HNRNPAB: variants seen among roughly 807,000 people sequenced by gnomAD.
HNRNPAB encodes the protein heterogeneous nuclear ribonucleoprotein A/B.
HNRNPAB carries 17 observed loss-of-function variants against 44.1 expected under a neutral mutation model. That is an observed-to-expected ratio of 0.39 (90% CI 0.26 to 0.58). The LOEUF is 0.58. Among genes scored for constraint, HNRNPAB ranks in the 20% least tolerant of loss-of-function variants. The pLI is 0.63. For missense variants in HNRNPAB, 393 were observed against 432.7 expected (o/e 0.91, Z 0.81); for synonymous variants, 183 against 167.6 (o/e 1.09, Z -0.71).
At chr5:178,209,478 G>A in intron 6 of HNRNPAB, 31 bp downstream of exon 6, 3 of 1,578,846 alleles carry the variant, frequency 1.9e-6, no homozygotes, top group Non-Finnish European at 2.6e-6. Flanking sequence ...GATAGGTCCT[G>A]TTTCCCTGCC....
Position 178,210,890 on chromosome 5 carries a change from G to C in HNRNPAB, c.*267G>C, listed in dbSNP as rs1321174887. ...CCCCCAGAAGCAGGTGGGAGGCTCT[G>C]CTTCCTGCTGCCGCTCTGCAGCCTG... On this transcript the variant is annotated 3_prime_UTR_variant, in exon 8 of 8. Transcript: ENST00000358344. The C allele has an allele frequency of 1.9e-6, 1 of 514,376 alleles. No individual in the cohort carries two copies. Among genetic ancestry groups the C allele is most frequent in the Non-Finnish European group, 3.5e-6 (1 of 287,436 alleles). The allele number at this position is 514,376 out of a possible 1,614,324, so 31.9% of individuals were successfully genotyped here.
Position 178,205,958 on chromosome 5 carries a change from G to T in HNRNPAB, c.326G>T (p.Arg109Leu). Residue 109 changes from arginine to leucine, a missense_variant, in exon 3 of 8, where the codon CGG becomes CTG. This residue lies in a region of HNRNPAB where 102 missense variants were observed against 162.3 expected (regional missense o/e 0.63). Transcript: ENST00000358344. ...ATAAAAATGGATCCCAACACTGGAC[G>T]GTCAAGAGGGTTTGGGTTTATCCTG... ...CTIKMDPNTG[R>L]SRGFGFILFK... 1 of 1,614,168 alleles carries T rather than the reference G, an allele frequency of 6.2e-7. No homozygotes were observed. Among genetic ancestry groups the T allele is most frequent in the Non-Finnish European group, 8.5e-7 (1 of 1,179,988 alleles).
chr5:178,209,523 C>G, intron 6 of HNRNPAB, 76 bp downstream of exon 6: 1 of 1,294,894 alleles, frequency 7.7e-7, no homozygotes, highest in East Asian at 2.3e-5. Context: ...TTGGGGCTCC[C>G]TCTGGTGCTG....
At position 178,204,750 on chromosome 5, in the gene HNRNPAB, G is replaced by A. The variant is rs1756976203; in HGVS notation, c.-24+10G>A. On this transcript the variant is annotated intron_variant, in intron 1 of 7. Transcript: ENST00000358344. ...CGTCATCGGCGGCGAGGTGAGCGGC[G>A]GCCGGCGGGCGGGAGCTCTGGCGGG... The A allele has an allele frequency of 1.2e-5, 10 of 846,780 alleles. No individual in the cohort carries two copies. The South Asian group carries it at 2.3e-4, about 20-fold the overall frequency. The allele number at this position is 846,780 out of a possible 1,614,324, so 52.5% of individuals were successfully genotyped here. A position where few individuals can be genotyped will look rare whatever the true frequency, so the allele number is the denominator to read the frequency against.
In HNRNPAB at chr5:178,206,715, C is replaced by T. The variant is rs763596069; in HGVS notation, c.379-17C>T. On this transcript the variant is annotated splice_polypyrimidine_tract_variant and intron_variant, in intron 3 of 7. Coordinates refer to ENST00000358344, the MANE Select transcript of HNRNPAB (RefSeq NM_031266.3). ...CTCGTGCTGCTGAGTCAGCCTGACC[C>T]CTTTCTGTTGGAACAGGTCCTAGAC... 9 of 1,612,328 alleles carry T rather than the reference C, an allele frequency of 5.6e-6. No homozygotes were observed. The South Asian group carries it at 6.6e-5, about 12-fold the overall frequency.
At chr5:178,210,403 T>G in intron 7 of HNRNPAB, 131 bp downstream of exon 7, 5 of 1,557,640 alleles carry the variant, frequency 3.2e-6, no homozygotes, top group Non-Finnish European at 4.4e-6. Context: ...GCTACTTGAT[T>G]TTGAGCCTTA....
At chr5:178,205,085 T>G in intron 2 of HNRNPAB, 39 bp downstream of exon 2, 3 of 1,176,232 alleles carry the variant, frequency 2.6e-6, no homozygotes. Flanking sequence ...GCCGCCTTTG[T>G]TCCGGGGCCG....
At position 178,205,664 on chromosome 5, in the gene HNRNPAB, A is replaced by G. The variant is rs559459072; in HGVS notation, c.210-178A>G. On this transcript the variant is annotated intron_variant, in intron 2 of 7. Transcript: ENST00000358344. ...CTGCAGAGCCTTGTTAAGCCTCGTTAGGGTCCTGGTTGAGTTCAATTTGGA... is the reference window on the plus strand; with the variant it reads ...CTGCAGAGCCTTGTTAAGCCTCGTTGGGGTCCTGGTTGAGTTCAATTTGGA... 793 of 603,080 alleles carry G rather than the reference A, an allele frequency of 1.3e-3. 5 individuals carry two copies. The highest frequency in any genetic ancestry group is 6.8e-4 in the Non-Finnish European group (231 of 340,286). 37.4% of individuals were successfully genotyped at this position (603,080 alleles called of 1,614,324 possible).
chr5:178,209,274 C>T (rs1757415390), intron 5 of HNRNPAB, 56 bp from the exon 6 acceptor site: 1 of 1,349,436 alleles, frequency 7.4e-7, no homozygotes, highest in Non-Finnish European at 1.1e-6. Flanking sequence ...GGTGTTTGGG[C>T]AGTCACTGCC....
At chr5:178,205,808 A>G in intron 2 of HNRNPAB, 34 bp from the exon 3 acceptor site, 1 of 1,599,000 alleles carries the variant, frequency 6.3e-7, no homozygotes. Context: ...TGCTTACAAG[A>G]CTTGTTGCCG....
chr5:178,204,737 C>T lies in HNRNPAB; in HGVS notation c.-27C>T, dbSNP rs1034000610. ...GCGGGCCCCGCGGCGTCATCGGCGGCGAGGTGAGCGGCGGCCGGCGGGCGG... is the reference window on the plus strand; with the variant it reads ...GCGGGCCCCGCGGCGTCATCGGCGGTGAGGTGAGCGGCGGCCGGCGGGCGG... On this transcript the variant is annotated 5_prime_UTR_variant, in exon 1 of 8. Coordinates refer to ENST00000358344, the MANE Select transcript of HNRNPAB (RefSeq NM_031266.3). 19 of 683,846 alleles carry T rather than the reference C, an allele frequency of 2.8e-5. 1 individual carries two copies. The highest frequency in any genetic ancestry group is 4.7e-5 in the Admixed American group (1 of 21,182). 42.4% of individuals were successfully genotyped at this position (683,846 alleles called of 1,614,324 possible).
At chr5:178,209,549 C>A in intron 6 of HNRNPAB, 102 bp downstream of exon 6, 1 of 1,000,192 alleles carries the variant, frequency 1.0e-6, no homozygotes, top group Non-Finnish European at 1.5e-6. Context: ...CAGGGGTGGG[C>A]AGATTGTGTG....
chr5:178,209,303 C>T, intron 5 of HNRNPAB, 27 bp from the exon 6 acceptor site: 1 of 1,592,320 alleles, frequency 6.3e-7, no homozygotes, highest in Non-Finnish European at 8.6e-7. Context: ...GTCCTACTGG[C>T]CTGACCACTG....
At chr5:178,210,434 A>G (rs2113629644) in intron 7 of HNRNPAB, 119 bp from the exon 8 acceptor site, 1 of 1,511,344 alleles carries the variant, frequency 6.6e-7, no homozygotes, top group Non-Finnish European at 9.1e-7. Flanking sequence ...TCTTAATAAC[A>G]TGAGGAAGGC....
At chr5:178,206,133 C>T (rs1402326439) in intron 3 of HNRNPAB, 123 bp downstream of exon 3, 15 of 895,042 alleles carry the variant, frequency 1.7e-5, no homozygotes, top group South Asian at 1.6e-4. Flanking sequence ...TGGGCAAAAC[C>T]CAAAGCCGGA....
Position 178,209,425 on chromosome 5 carries a change from C to G in HNRNPAB, c.765C>G (p.Ser255Arg), listed in dbSNP as rs778624895. The G allele has an allele frequency of 6.2e-7, 1 of 1,614,014 alleles. No individual in the cohort carries two copies. Among genetic ancestry groups the G allele is most frequent in the Non-Finnish European group, 8.5e-7 (1 of 1,179,954 alleles). The change falls in exon 6 of 8, where the codon AGC becomes AGG. Residue 255 changes from serine (S) to arginine (R), a missense_variant. Physicochemically the swap from Ser to Arg is moderately radical, Grantham distance 110 (BLOSUM62 -1). Around this residue, in one of 3 missense-constraint regions of HNRNPAB, gnomAD observed 210 missense variants for 196.9 expected, o/e 1.07. Transcript: ENST00000358344. ...ACCGCAACCGAGGGAACCGAGGCAGCGGAGGTGGTGGTGGAGGTGGAGGTG... is the reference window on the plus strand; with the variant it reads ...ACCGCAACCGAGGGAACCGAGGCAGGGGAGGTGGTGGTGGAGGTGGAGGTG... ...RGNRNRGNRG[S>R]GGGGGGGGQS...
chr5:178,210,784 T>A lies in HNRNPAB; in HGVS notation c.*161T>A. 2 of 655,988 alleles carry A rather than the reference T, an allele frequency of 3.0e-6. No homozygotes were observed. The highest frequency in any genetic ancestry group is 2.7e-5 in the East Asian group (1 of 36,448). The allele number at this position is 655,988 out of a possible 1,614,324, so 40.6% of individuals were successfully genotyped here. A position where few individuals can be genotyped will look rare whatever the true frequency, so the allele number is the denominator to read the frequency against. ...TGGAAATCACTCTCCTGTTGACTAT[T>A]TCCAGAGCTCTAGGTGTTTAGGCAG... On this transcript the variant is annotated 3_prime_UTR_variant, in exon 8 of 8. Transcript: ENST00000358344.
chr5:178,209,265 G>C (rs577226985), intron 5 of HNRNPAB, 65 bp from the exon 6 acceptor site: 1 of 1,211,902 alleles, frequency 8.3e-7, no homozygotes, highest in Admixed American at 1.7e-5. Flanking sequence ...CGCAGTGAAG[G>C]TGTTTGGGCA....
intron 5 of HNRNPAB, among the ~76,000 whole-genome samples, chr5:178,207,814 C>T (rs1218273698): frequency 6.6e-6 from 1 of 150,440 alleles, no homozygotes; most frequent in Non-Finnish European, 1.5e-5. Context: ...CGGATCCTCC[C>T]ATCTCAGCCT....
Sources: allele counts gnomAD v4.1 joint callset (sites outside exome capture counted in the v4.1 genomes callset), GRCh38; gene constraint gnomAD v4.1.1; regional missense constraint gnomAD v4.1.1; transcripts MANE v1.5; gene names NCBI Gene and HGNC (gene_info 2026-07-23, HGNC 2026-07-21).